Variants in RFC1 observed in about 807,000 individuals in gnomAD.
RFC1 encodes A1 140 kDa subunit.
In RFC1, 37 loss-of-function variants were observed where a neutral mutation model predicts 137.4. The observed-to-expected ratio is 0.27, with a 90% confidence interval of 0.21 to 0.35. The LOEUF is 0.35. Ranked by LOEUF, RFC1 falls within the 10% of genes least tolerant of loss-of-function variation. The pLI, the probability that RFC1 is intolerant of heterozygous loss-of-function variation, is 1.00. For synonymous variants in RFC1, 429 were observed against 455.7 expected (o/e 0.94, Z 0.75); for missense variants, 1,205 against 1,358.5 (o/e 0.89, Z 1.78).
intron 1 of RFC1, among the ~76,000 whole-genome samples, chr4:39,364,801 A>T (rs551386694): frequency 1.3e-5 from 2 of 152,262 alleles, no homozygotes; most frequent in Non-Finnish European, 1.5e-5. Context: ...ATAAGGAAAC[A>T]GAGGCTTAAA....
intron 1 of RFC1, among the ~76,000 whole-genome samples, chr4:39,360,296 T>G (rs1741688558): frequency 6.6e-6 from 1 of 151,458 alleles, no homozygotes; most frequent in South Asian, 2.1e-4. Flanking sequence ...AGGTCAGGAG[T>G]TTGAGAACAG....
In RFC1 at chr4:39,308,913, G is replaced by C. The variant is rs1298018014; in HGVS notation, c.1608C>G (p.Asp536Glu). 1 of 1,613,948 alleles carries C rather than the reference G, an allele frequency of 6.2e-7. No homozygotes were observed. The part of the protein sequence containing the change: ...SKKSRPTSKR[D>E]SLAKTIKKET... ...CCTTTTTTATTGTCTTTGCCAAACTGTCCCTTTTGGAAGTCGGCCTGCTCT... is the reference window on the plus strand; with the variant it reads ...CCTTTTTTATTGTCTTTGCCAAACTCTCCCTTTTGGAAGTCGGCCTGCTCT... The change falls in exon 13 of 25, where the codon GAC becomes GAG. Residue 536 changes from aspartate (D) to glutamate (E), a missense_variant. Physicochemically the swap from Asp to Glu is conservative, Grantham distance 45 (BLOSUM62 2). Transcript: ENST00000349703.
chr4:39,320,315 C>G, intron 9 of RFC1, 68 bp downstream of exon 9: 1 of 1,397,212 alleles, frequency 7.2e-7, no homozygotes, highest in Non-Finnish European at 9.4e-7. Flanking sequence ...TGCCACTGCA[C>G]TCCAACCTCA....
At chr4:39,342,518 A>C (rs775517241) in intron 3 of RFC1, 51 bp from the exon 4 acceptor site, 10 of 1,572,804 alleles carry the variant, frequency 6.4e-6, no homozygotes, top group Non-Finnish European at 7.8e-6. Context: ...CTATTATAAT[A>C]TAGTGCATGT....
At chr4:39,339,082 C>CT (rs113005969) in intron 4 of RFC1, among the ~76,000 whole-genome samples, 11,581 of 149,192 alleles carry the variant, frequency 0.078, 1,495 homozygotes, top group African/African-American at 0.27. Context: ...ACAGAATCTC[C>CT]TTTTTTTTTT....
At chr4:39,363,532 T>C (rs571804366) in intron 1 of RFC1, among the ~76,000 whole-genome samples, 2 of 152,282 alleles carry the variant, frequency 1.3e-5, no homozygotes, top group Non-Finnish European at 2.9e-5. Context: ...AACTTTTAAT[T>C]GGAATTTTTG....
At chr4:39,332,208 C>CA (rs1740137196) in intron 4 of RFC1, among the ~76,000 whole-genome samples, 1 of 152,166 alleles carries the variant, frequency 6.6e-6, no homozygotes, top group Admixed American at 6.5e-5. Context: ...CGGACTAATA[C>CA]ACCCTTTTCT....
chr4:39,299,899 A>G, intron 21 of RFC1, 122 bp downstream of exon 21: 1 of 660,316 alleles, frequency 1.5e-6, no homozygotes, highest in South Asian at 1.9e-5. Context: ...CGGGCAACAG[A>G]GCGAGACTCG....
rs1433548184 is a variant in RFC1 at position 39,334,492 on chromosome 4, T to C, written c.332-6736A>G. 5.3e-5 allele frequency among the ~76,000 whole-genome samples: 8 copies of C among 152,226 alleles called. 1 individual carries two copies. The highest frequency in any genetic ancestry group is 8.8e-5 in the Non-Finnish European group (6 of 68,036). The stretch of plus-strand genomic sequence containing the variant: ...ACAGGTGTTGCTGTGAGGATCCTCA[T>C]GTAAAATAAATATTTTACAATCCTA... On this transcript the variant is annotated intron_variant, in intron 4 of 24. Transcript: ENST00000349703.
intron 5 of RFC1, 81 bp from the exon 6 acceptor site, chr4:39,326,721 T>C: frequency 9.8e-7 from 1 of 1,021,990 alleles, no homozygotes; most frequent in Non-Finnish European, 1.5e-6. Flanking sequence ...TGTTGCTGAT[T>C]AAATACACCA....
intron 1 of RFC1, among the ~76,000 whole-genome samples, chr4:39,353,367 T>C (rs1741303247): frequency 8.9e-6 from 1 of 111,736 alleles, no homozygotes; most frequent in Non-Finnish European, 1.6e-5. Flanking sequence ...ACCACTGCAC[T>C]CCAGCCTGGG....
At chr4:39,364,080 T>TAAA (rs34471101) in intron 1 of RFC1, among the ~76,000 whole-genome samples, 10 of 122,888 alleles carry the variant, frequency 8.1e-5, no homozygotes, top group Admixed American at 1.8e-4. Flanking sequence ...ACCTTGCCTT[T>TAAA]AAAAAAAAAA....
chr4:39,351,871 G>C (rs1406928897), intron 1 of RFC1, among the ~76,000 whole-genome samples: 2 of 150,828 alleles, frequency 1.3e-5, no homozygotes. Context: ...TCTGAGGCAG[G>C]AGAATTGCTT....
intron 2 of RFC1, among the ~76,000 whole-genome samples, chr4:39,347,147 T>G (rs147882979): frequency 2.6e-5 from 4 of 152,256 alleles, no homozygotes; most frequent in Admixed American, 2.6e-4. Flanking sequence ...TGAACCTGAC[T>G]GAACCACAAG....
intron 11 of RFC1, among the ~76,000 whole-genome samples, chr4:39,312,269 C>T (rs185260628): frequency 6.6e-6 from 1 of 152,210 alleles, no homozygotes; most frequent in Admixed American, 6.5e-5. Flanking sequence ...GTTGAGATGC[C>T]GAACTATCCC....
At chr4:39,342,148 G>A (rs1309618611) in intron 4 of RFC1, among the ~76,000 whole-genome samples, 197 bp downstream of exon 4, 1 of 152,076 alleles carries the variant, frequency 6.6e-6, no homozygotes, top group East Asian at 1.9e-4. Context: ...AAAATTCCAA[G>A]AGCAATTTCC....
chr4:39,365,153 GAAAAAAAA>G (rs745527928), intron 1 of RFC1, among the ~76,000 whole-genome samples: 2 of 79,882 alleles, frequency 2.5e-5, no homozygotes, highest in Admixed American at 1.8e-4. Flanking sequence ...GGGTTGAAAT[GAAAAAAAA>G]AAAAAAAAAA....
chr4:39,289,761 G>T, intron 24 of RFC1, 87 bp downstream of exon 24: 1 of 865,158 alleles, frequency 1.2e-6, no homozygotes, highest in Non-Finnish European at 1.9e-6. Flanking sequence ...AAGTTATTCT[G>T]CTATGTGCTG....
chr4:39,347,012 C>T lies in RFC1; in HGVS notation c.133-1536G>A, dbSNP rs1740892412. On this transcript the variant is annotated intron_variant, in intron 2 of 24. Coordinates refer to ENST00000349703, the MANE Select transcript of RFC1 (RefSeq NM_002913.5). Reference sequence around the variant, plus strand: ...ATCAATGCCTGATAAACCAAAAGAACACTCTTTGAAGGAATAACAGGATCC... The same window carrying T: ...ATCAATGCCTGATAAACCAAAAGAATACTCTTTGAAGGAATAACAGGATCC... 2.6e-5 allele frequency among the ~76,000 whole-genome samples: 4 copies of T among 152,188 alleles called. No homozygotes were observed. In the South Asian group the frequency reaches 8.3e-4, roughly 31 times the overall value.
Sources: allele counts gnomAD v4.1 joint callset (sites outside exome capture counted in the v4.1 genomes callset), GRCh38; gene constraint gnomAD v4.1.1; transcripts MANE v1.5; gene names NCBI Gene and HGNC (gene_info 2026-07-23, HGNC 2026-07-21).